The following XKR4 variants were observed in gnomAD, a reference collection of about 807,000 sequenced individuals.
XKR4 encodes XK-related protein 4.
A neutral mutation model predicts 53.9 loss-of-function variants in XKR4; 12 were observed. The ratio of observed to expected loss-of-function variants is 0.22; its 90% confidence interval spans 0.14 to 0.36. The LOEUF (loss-of-function observed/expected upper bound fraction) is 0.36, where lower values mean the gene tolerates loss of function less well. Ranked by LOEUF, XKR4 falls within the 10% of genes least tolerant of loss-of-function variation. The pLI, the probability that XKR4 is intolerant of heterozygous loss-of-function variation, is 1.00. For synonymous variants in XKR4, 354 were observed against 362.4 expected (o/e 0.98, Z 0.26); for missense variants, 799 against 859.5 (o/e 0.93, Z 0.88).
chr8:55,321,924 G>A (rs1803222186), intron 1 of XKR4, among the ~76,000 whole-genome samples: 1 of 152,166 alleles, frequency 6.6e-6, no homozygotes, highest in Non-Finnish European at 1.5e-5. Context: ...AGGAGGCGGA[G>A]GTTGCAGCGA....
At chr8:55,204,288 C>G (rs955229015) in intron 1 of XKR4, among the ~76,000 whole-genome samples, 13 of 152,084 alleles carry the variant, frequency 8.5e-5, no homozygotes, top group African/African-American at 3.1e-4. Flanking sequence ...AAGTTATTGA[C>G]CAACAAATCA....
At chr8:55,244,017 A>T (rs1818248403) in intron 1 of XKR4, among the ~76,000 whole-genome samples, 1 of 152,312 alleles carries the variant, frequency 6.6e-6, no homozygotes, top group East Asian at 1.9e-4. Flanking sequence ...AAAACCAAAT[A>T]TCCAATATTC....
intron 1 of XKR4, among the ~76,000 whole-genome samples, chr8:55,284,622 G>C (rs747324920): frequency 6.6e-6 from 1 of 152,168 alleles, no homozygotes; most frequent in Non-Finnish European, 1.5e-5. Context: ...GATTGAGAGA[G>C]AGAGAGCCCA....
At chr8:55,352,993 A>G (rs1803747357) in intron 1 of XKR4, among the ~76,000 whole-genome samples, 1 of 152,222 alleles carries the variant, frequency 6.6e-6, no homozygotes, top group African/African-American at 2.4e-5. Flanking sequence ...AAGAAGTCTA[A>G]CAAGGTGTTT....
intron 2 of XKR4, among the ~76,000 whole-genome samples, chr8:55,426,721 G>A (rs184061160): frequency 3.3e-5 from 5 of 152,224 alleles, no homozygotes; most frequent in South Asian, 2.1e-4. Flanking sequence ...AAATTGAGCC[G>A]GAGGCAACTC....
intron 1 of XKR4, among the ~76,000 whole-genome samples, chr8:55,135,889 C>CTTTTTTTTTT (rs71256514): frequency 6.8e-6 from 1 of 146,026 alleles, no homozygotes; most frequent in African/African-American, 2.5e-5. Context: ...AACATGCTCA[C>CTTTTTTTTTT]TTTTTTTTTT....
chr8:55,249,890 G>A (rs1363495927), intron 1 of XKR4, among the ~76,000 whole-genome samples: 2 of 151,968 alleles, frequency 1.3e-5, no homozygotes, highest in Non-Finnish European at 2.9e-5. Context: ...TTTGATTTGC[G>A]GTACTCTAAT....
chr8:55,116,694 G>A (rs904504666), intron 1 of XKR4, among the ~76,000 whole-genome samples: 1 of 152,168 alleles, frequency 6.6e-6, no homozygotes, highest in African/African-American at 2.4e-5. Context: ...ATAGTTTTCT[G>A]ATTTCCCTTT....
intron 2 of XKR4, among the ~76,000 whole-genome samples, chr8:55,427,924 C>T (rs190138805): frequency 2.0e-4 from 31 of 152,312 alleles, no homozygotes; most frequent in South Asian, 1.9e-3. Flanking sequence ...TTGAGACCAA[C>T]ACTCAGGGTC....
intron 2 of XKR4, among the ~76,000 whole-genome samples, chr8:55,370,426 A>G (rs892826398): frequency 6.6e-5 from 10 of 152,218 alleles, no homozygotes; most frequent in African/African-American, 2.4e-4. Flanking sequence ...CCACCTTCAT[A>G]ATAAGCTTTA....
intron 1 of XKR4, among the ~76,000 whole-genome samples, chr8:55,160,796 T>TA (rs1816973555): frequency 6.6e-6 from 1 of 152,204 alleles, no homozygotes; most frequent in African/African-American, 2.4e-5. Context: ...TAGGGACTGT[T>TA]ACATTTCTCT....
At position 55,525,771 on chromosome 8, in the gene XKR4, C is replaced by T. The variant is rs943368241; in HGVS notation, c.*1544C>T. On this transcript the variant is annotated 3_prime_UTR_variant, in exon 3 of 3. Transcript: ENST00000327381. ...TAGGGTATACACATAGGCATCATCA[C>T]ATTTTTTATAGACCTGGAATCGTTT... 6 of 152,602 alleles carry T rather than the reference C, an allele frequency of 3.9e-5. No homozygotes were observed. The highest frequency in any genetic ancestry group is 1.4e-4 in the African/African-American group (6 of 41,426). 9.5% of individuals were successfully genotyped at this position (152,602 alleles called of 1,614,324 possible).
intron 2 of XKR4, among the ~76,000 whole-genome samples, chr8:55,439,162 G>A (rs1805228519): frequency 6.6e-6 from 1 of 152,188 alleles, no homozygotes; most frequent in South Asian, 2.1e-4. Flanking sequence ...CACATTGCTT[G>A]TGTGACCTTA....
intron 1 of XKR4, among the ~76,000 whole-genome samples, chr8:55,207,421 C>T (rs1277168516): frequency 1.3e-5 from 2 of 152,166 alleles, no homozygotes; most frequent in African/African-American, 2.4e-5. Flanking sequence ...CCATTCATTC[C>T]CTGCACAGGA....
chr8:55,279,949 G>A (rs1026381065), intron 1 of XKR4, among the ~76,000 whole-genome samples: 7 of 152,166 alleles, frequency 4.6e-5, no homozygotes, highest in African/African-American at 1.7e-4. Flanking sequence ...ATGAATAAGG[G>A]TTGACAAAGC....
chr8:55,351,835 T>C (rs1458110540), intron 1 of XKR4, among the ~76,000 whole-genome samples: 2 of 152,244 alleles, frequency 1.3e-5, no homozygotes, highest in African/African-American at 4.8e-5. Context: ...TAACCAACTT[T>C]GTTAAAATGC....
At chr8:55,436,523 T>C (rs557879647) in intron 2 of XKR4, among the ~76,000 whole-genome samples, 1 of 152,190 alleles carries the variant, frequency 6.6e-6, no homozygotes, top group Non-Finnish European at 1.5e-5. Flanking sequence ...CTCAGAAGTC[T>C]TTTTCCATTA....
At chr8:55,400,320 A>G (rs917579221) in intron 2 of XKR4, among the ~76,000 whole-genome samples, 2 of 152,150 alleles carry the variant, frequency 1.3e-5, no homozygotes, top group African/African-American at 2.4e-5. Context: ...TTCTGCCAAA[A>G]TATTGTCTCT....
chr8:55,291,108 A>C lies in XKR4; in HGVS notation c.807-66570A>C, dbSNP rs570636596. On this transcript the variant is annotated intron_variant, in intron 1 of 2. Coordinates refer to ENST00000327381, the MANE Select transcript of XKR4 (RefSeq NM_052898.2). ...TAGGTGTCTGATTGTTCCAAGCACT[A>C]TTTATTGAAAATGCTATTTTTCCTC... Among the ~76,000 whole-genome samples, 8 of 152,244 alleles carry C rather than the reference A, an allele frequency of 5.3e-5. No individual in the cohort carries two copies. In the South Asian group the frequency reaches 1.0e-3, roughly 20 times the overall value.
Sources: allele counts gnomAD v4.1 joint callset (sites outside exome capture counted in the v4.1 genomes callset), GRCh38; gene constraint gnomAD v4.1.1; transcripts MANE v1.5; gene names NCBI Gene and HGNC (gene_info 2026-07-23, HGNC 2026-07-21).